The following TSFM variants were observed in gnomAD, a reference collection of about 807,000 sequenced individuals.
The protein encoded by TSFM is elongation factor Ts, mitochondrial.
TSFM carries 29 observed loss-of-function variants against 33.4 expected under a neutral mutation model. That is an observed-to-expected ratio of 0.87 (90% CI 0.65 to 1.18). The LOEUF (loss-of-function observed/expected upper bound fraction) is 1.18. TSFM is among the 50% of genes most tolerant of loss of function. The probability of loss-of-function intolerance (pLI) is 0.00; values close to 1 mark genes in which losing one functional copy is unlikely to be tolerated. For synonymous variants in TSFM, 178 were observed against 163.5 expected, an observed-to-expected ratio of 1.09 and a Z score of -0.68; for missense variants, 394 against 395.6, an observed-to-expected ratio of 1.00 and a Z score of 0.04.
chr12:57,801,171 A>G (rs111647711), downstream of TSFM: 9,362 of 1,613,714 alleles, frequency 5.8e-3, 282 homozygotes, highest in South Asian at 0.063. Context: ...TAGCAGCAGC[A>G]TCTCCCAGCT....
At chr12:57,798,726 C>T (rs535735720), downstream of TSFM, among the ~76,000 whole-genome samples, 91 of 151,836 alleles carry the variant, frequency 6.0e-4, 1 homozygote, top group East Asian at 7.2e-3. Context: ...AAGCAGTTCT[C>T]CTCCCTCAGC....
intron 5 of TSFM, 135 bp from the exon 6 acceptor site, chr12:57,796,042 T>C: frequency 1.3e-6 from 1 of 757,330 alleles, no homozygotes; most frequent in Non-Finnish European, 2.1e-6. Context: ...AAATGGTATC[T>C]CTTCATCTTA....
downstream of TSFM, among the ~76,000 whole-genome samples, chr12:57,800,919 G>A (rs1955834498): frequency 2.0e-5 from 3 of 152,110 alleles, no homozygotes; most frequent in Admixed American, 2.0e-4. Context: ...CATTTTTGTT[G>A]TTTTTACACA....
chr12:57,786,952 C>A, intron 3 of TSFM, 88 bp from the exon 4 acceptor site: 1 of 1,397,948 alleles, frequency 7.2e-7, no homozygotes, highest in Non-Finnish European at 9.6e-7. Flanking sequence ...CTTGTTCTAT[C>A]AGTATCTTGA....
chr12:57,784,004 G>T, intron 2 of TSFM: 1 of 702,926 alleles, frequency 1.4e-6, no homozygotes, highest in Non-Finnish European at 2.6e-6. Flanking sequence ...TCTGAGAAAT[G>T]GCGTCGTTAG....
intron 5 of TSFM, among the ~76,000 whole-genome samples, 158 bp downstream of exon 5, chr12:57,793,231 A>G (rs1231341134): frequency 6.6e-6 from 1 of 151,504 alleles, no homozygotes; most frequent in Admixed American, 6.6e-5. Flanking sequence ...AACATTAGGC[A>G]TCTTTTTTTT....
Position 57,783,209 on chromosome 12 carries a change from C to G in TSFM, c.157C>G (p.Leu53Val). ...CTCCAGCAAGGAGCTCCTCATGAAG[C>G]TGCGGCGGAAAACAGGCTACTCCTT... ...SASSKELLMK[L>V]RRKTGYSFVN... The change falls in exon 2 of 6, where the codon CTG becomes GTG. Residue 53 changes from leucine to valine, a missense_variant. Coordinates refer to ENST00000652027, the MANE Select transcript of TSFM (RefSeq NM_005726.6). The G allele has an allele frequency of 1.2e-6, 2 of 1,613,810 alleles. No homozygotes were observed. The highest frequency in any genetic ancestry group is 1.7e-6 in the Non-Finnish European group (2 of 1,179,898).
In TSFM at chr12:57,784,379, A is replaced by C. The variant is rs6581155; in HGVS notation, c.231+1096A>C. Among the ~76,000 whole-genome samples the C allele has an allele frequency of 2.2e-4, 33 of 152,168 alleles. No individual in the cohort carries two copies. In the South Asian group the frequency reaches 6.4e-3, roughly 30 times the overall value. On this transcript the variant is annotated intron_variant, in intron 2 of 5. Transcript: ENST00000652027. ...TAGACGTTAAAGCACAGTACACATA[A>C]GCTACATTACATTTATAAGAAATTT...
At chr12:57,802,226 A>G, downstream of TSFM, 1 of 1,614,130 alleles carries the variant, frequency 6.2e-7, no homozygotes, top group Non-Finnish European at 8.5e-7. Context: ...ACCCCTGCTT[A>G]ATGATCAGGA....
At chr12:57,795,072 C>CATGT (rs1555205427) in intron 5 of TSFM, among the ~76,000 whole-genome samples, 4 of 135,154 alleles carry the variant, frequency 3.0e-5, no homozygotes, top group South Asian at 4.7e-4. Flanking sequence ...GTTAATGCTC[C>CATGT]ATATATATAT....
chr12:57,801,264 G>A, downstream of TSFM: 1 of 1,455,008 alleles, frequency 6.9e-7, no homozygotes, highest in Non-Finnish European at 9.6e-7. Context: ...ATAGGGGAGG[G>A]ACATCTTAGG....
At chr12:57,794,917 G>C (rs1023984450) in intron 5 of TSFM, among the ~76,000 whole-genome samples, 1 of 151,682 alleles carries the variant, frequency 6.6e-6, no homozygotes, top group Non-Finnish European at 1.5e-5. Context: ...CCGCCAGCAC[G>C]CCCGGCTAAT....
chr12:57,787,267 C>A, intron 4 of TSFM, 105 bp downstream of exon 4: 1 of 1,179,768 alleles, frequency 8.5e-7, no homozygotes, highest in East Asian at 2.6e-5. Context: ...TACTTCACAT[C>A]TCTGCTTAAA....
At chr12:57,800,036 T>G (rs551999595), downstream of TSFM, 322 of 1,336,638 alleles carry the variant, frequency 2.4e-4, 2 homozygotes, top group South Asian at 4.2e-3. Context: ...CCCTCTGTAA[T>G]CATCTTTGAT....
At chr12:57,801,033 A>G (rs1460096223), downstream of TSFM, 36 of 822,412 alleles carry the variant, frequency 4.4e-5, no homozygotes, top group Non-Finnish European at 6.4e-5. Flanking sequence ...ACAGACAACT[A>G]TGGTAATACT....
chr12:57,796,932 G>C lies in TSFM; in HGVS notation c.*349G>C. Reference sequence around the variant, plus strand: ...CATAGAACTCTTTTGTTCTGTTTTTGCTTTGCGACACTGTGAACCGTGCTT... The same window carrying C: ...CATAGAACTCTTTTGTTCTGTTTTTCCTTTGCGACACTGTGAACCGTGCTT... On this transcript the variant is annotated 3_prime_UTR_variant, in exon 6 of 6. Transcript: ENST00000652027. 1 of 994,808 alleles carries C rather than the reference G, an allele frequency of 1.0e-6. No homozygotes were observed. Among genetic ancestry groups the C allele is most frequent in the Non-Finnish European group, 1.2e-6 (1 of 836,648 alleles). The allele number at this position is 994,808 out of a possible 1,614,324, so 61.6% of individuals were successfully genotyped here. A position where few individuals can be genotyped will look rare whatever the true frequency, so the allele number is the denominator to read the frequency against.
At chr12:57,802,705 C>A, downstream of TSFM, 1 of 611,214 alleles carries the variant, frequency 1.6e-6, no homozygotes, top group Admixed American at 2.9e-5. Flanking sequence ...TGAGTCTCCA[C>A]TTTTGATAGG....
downstream of TSFM, among the ~76,000 whole-genome samples, chr12:57,800,854 C>T (rs535477655): frequency 1.3e-5 from 2 of 152,314 alleles, no homozygotes; most frequent in East Asian, 3.9e-4. Context: ...GTGATCCACC[C>T]GCCTTGGCCT....
At chr12:57,801,796 T>C (rs1457302323), downstream of TSFM, among the ~76,000 whole-genome samples, 1 of 152,154 alleles carries the variant, frequency 6.6e-6, no homozygotes, top group Non-Finnish European at 1.5e-5. Context: ...TTCTGTTGAT[T>C]AACTGTGACT....
Sources: gnomAD v4.1 joint callset for allele counts (sites outside exome capture counted in the v4.1 genomes callset) on GRCh38, gnomAD v4.1.1 for gene constraint, MANE v1.5 for transcripts, NCBI Gene and HGNC (gene_info 2026-07-23, HGNC 2026-07-21) for gene names.